POF1B: variants seen among roughly 807,000 people sequenced by gnomAD.
POF1B encodes protein POF1B.
In POF1B, 53 loss-of-function variants were observed where a neutral mutation model predicts 55.3. That is an observed-to-expected ratio of 0.96 (90% CI 0.77 to 1.20). The LOEUF (loss-of-function observed/expected upper bound fraction) is 1.20, where lower values mean the gene tolerates loss of function less well. POF1B is among the 50% of genes most tolerant of loss of function. POF1B has a pLI of 0.00. For synonymous variants in POF1B, 188 were observed against 148.3 expected (o/e 1.27, Z -1.95); for missense variants, 478 against 420.5 (o/e 1.14, Z -1.20).
chrX:85,355,026 C>T (rs2147940883), intron 4 of POF1B, among the ~76,000 whole-genome samples: 1 of 111,528 alleles, frequency 9.0e-6, no homozygotes, highest in East Asian at 2.8e-4. Context: ...AAGAACAAAG[C>T]TGGAGGCATC....
intron 15 of POF1B, among the ~76,000 whole-genome samples, chrX:85,298,886 TAGTG>T (rs1419489966): frequency 1.3e-4 from 14 of 110,196 alleles, no homozygotes; most frequent in African/African-American, 4.6e-4. Flanking sequence ...CTGGGCAACA[TAGTG>T]AGAATACAAA....
intron 5 of POF1B, among the ~76,000 whole-genome samples, chrX:85,347,577 T>C (rs1030164991): frequency 9.0e-6 from 1 of 111,392 alleles, no homozygotes; most frequent in Non-Finnish European, 1.9e-5. Context: ...CTTTTAATGC[T>C]CTTTTTATTC....
At chrX:85,373,328 T>A (rs1243100865) in intron 2 of POF1B, among the ~76,000 whole-genome samples, 1 of 111,977 alleles carries the variant, frequency 8.9e-6, no homozygotes, top group Non-Finnish European at 1.9e-5. Flanking sequence ...AGTCTCAATT[T>A]CCTTATTTGT....
chrX:85,329,043 G>A (rs1401838554), intron 7 of POF1B, among the ~76,000 whole-genome samples: 1 of 111,352 alleles, frequency 9.0e-6, no homozygotes, highest in Admixed American at 9.6e-5. Context: ...GGAAGGCTTT[G>A]CAGAAAAGTT....
chrX:85,328,650 C>T (rs964828649), intron 7 of POF1B, among the ~76,000 whole-genome samples: 1 of 110,856 alleles, frequency 9.0e-6, no homozygotes, highest in Admixed American at 9.6e-5. Context: ...GATCATGTAT[C>T]AGAATCCTCT....
At chrX:85,300,715 A>G (rs1488514530) in intron 15 of POF1B, among the ~76,000 whole-genome samples, 1 of 112,062 alleles carries the variant, frequency 8.9e-6, no homozygotes, top group Non-Finnish European at 1.9e-5. Context: ...CTATCCATTA[A>G]GAAGCCAGAT....
intron 7 of POF1B, among the ~76,000 whole-genome samples, chrX:85,322,429 A>G (rs184247839): frequency 0.019 from 2,112 of 111,760 alleles, 53 homozygotes; most frequent in African/African-American, 0.065. Flanking sequence ...CTTACATCTT[A>G]TACAAAAATT....
chrX:85,363,822 A>G (rs2147947307), intron 3 of POF1B, among the ~76,000 whole-genome samples: 2 of 111,236 alleles, frequency 1.8e-5, no homozygotes, highest in Non-Finnish European at 3.8e-5. Context: ...TGCCTTGATG[A>G]GCTGTCTGAT....
intron 9 of POF1B, among the ~76,000 whole-genome samples, chrX:85,313,135 A>G (rs957388493): frequency 1.7e-4 from 19 of 111,629 alleles, no homozygotes; most frequent in Admixed American, 5.7e-4. Context: ...AGACAATTTG[A>G]CTTCCTCTCT....
chrX:85,359,693 T>G, intron 3 of POF1B, 63 bp from the exon 4 acceptor site: 1 of 760,108 alleles, frequency 1.3e-6, no homozygotes, highest in Non-Finnish European at 1.9e-6. Context: ...GAGCTATCAA[T>G]AATAATAGGG....
chrX:85,326,462 C>A (rs186536047), intron 7 of POF1B, among the ~76,000 whole-genome samples: 19 of 110,280 alleles, frequency 1.7e-4, no homozygotes, highest in Non-Finnish European at 3.4e-4. Flanking sequence ...TATTTTCACA[C>A]AGGCAGCAGT....
chrX:85,366,056 C>A (rs1933715534), intron 3 of POF1B, among the ~76,000 whole-genome samples: 1 of 111,413 alleles, frequency 9.0e-6, no homozygotes, highest in African/African-American at 3.3e-5. Context: ...ATGACATGAA[C>A]AATTTATAAA....
rs992013398 is a variant in POF1B, at chrX:85,369,678, T to C, written c.283-1912A>G. On this transcript the variant is annotated intron_variant, in intron 2 of 16. Coordinates refer to ENST00000262753, the MANE Select transcript of POF1B (RefSeq NM_024921.4). ...ATGTTTTCCTGCTGATTAACATTTATATTGTTTCCAGGTTTCCACTGTGCT... is the reference window on the plus strand; with the variant it reads ...ATGTTTTCCTGCTGATTAACATTTACATTGTTTCCAGGTTTCCACTGTGCT... Among the ~76,000 whole-genome samples the C allele has an allele frequency of 4.5e-5, 5 of 112,040 alleles. No individual in the cohort carries two copies. In the East Asian group the frequency reaches 1.4e-3, roughly 31 times the overall value.
At chrX:85,319,646 T>A (rs1393454560) in intron 7 of POF1B, among the ~76,000 whole-genome samples, 8 of 111,738 alleles carry the variant, frequency 7.2e-5, no homozygotes, top group African/African-American at 2.6e-4. Context: ...TTGTTTTCAG[T>A]TCTGTACATA....
chrX:85,300,532 A>G (rs1164969029), intron 15 of POF1B, among the ~76,000 whole-genome samples: 2 of 112,590 alleles, frequency 1.8e-5, no homozygotes, highest in South Asian at 3.7e-4. Context: ...TAAGCAAAAG[A>G]CAATAACATC....
chrX:85,370,953 A>G (rs1460773021), intron 2 of POF1B, among the ~76,000 whole-genome samples: 1 of 111,757 alleles, frequency 8.9e-6, no homozygotes, highest in Non-Finnish European at 1.9e-5. Context: ...AAATTCAATG[A>G]ACAGTCAATG....
chrX:85,279,549 C>T lies in POF1B; in HGVS notation c.1765-123G>A. ...ATAAAACCAAAGGACATGTATTGCA[C>T]TTTTGTGGCACTCTTTTATATATAT... On this transcript the variant is annotated intron_variant, in intron 16 of 16. Coordinates refer to ENST00000262753, the MANE Select transcript of POF1B (RefSeq NM_024921.4). 5.5e-6 allele frequency: 3 copies of T among 547,292 alleles called. No individual in the cohort carries two copies. In the South Asian group the frequency reaches 1.2e-4, roughly 21 times the overall value. 45.1% of individuals were successfully genotyped at this position (547,292 alleles called of 1,213,427 possible).
At chrX:85,348,222 G>GT (rs1416719885) in intron 5 of POF1B, among the ~76,000 whole-genome samples, 1 of 110,625 alleles carries the variant, frequency 9.0e-6, no homozygotes, top group African/African-American at 3.3e-5. Flanking sequence ...GTCTTAGCAG[G>GT]TTTTCAGTTT....
rs746894881 is a variant in POF1B at position 85,282,200 on chromosome X, T to C, written c.1764+3A>G. 601 of 1,181,604 alleles carry C rather than the reference T, an allele frequency of 5.1e-4. 2 individuals carry two copies. The East Asian group carries it at 6.9e-3, about 14-fold the overall frequency. On this transcript the variant is annotated splice_donor_region_variant and intron_variant, in intron 16 of 16. Transcript: ENST00000262753. ...AGGGCTAAAAATGCCCAAGTGAACT[T>C]ACACAAGTGTATTTGTCTTCTGTTT...
Sources: gnomAD v4.1 joint callset for allele counts (sites outside exome capture counted in the v4.1 genomes callset) on GRCh38, gnomAD v4.1.1 for gene constraint, MANE v1.5 for transcripts, NCBI Gene and HGNC (gene_info 2026-07-23, HGNC 2026-07-21) for gene names.